Variants in IL18RAP observed in about 807,000 individuals in gnomAD.
IL18RAP encodes the protein interleukin-18 receptor accessory protein.
In IL18RAP, 37 loss-of-function variants were observed where a neutral mutation model predicts 58.1. That is an observed-to-expected ratio of 0.64 (90% CI 0.49 to 0.84). IL18RAP has a LOEUF of 0.84. Ranked by LOEUF, IL18RAP falls within the 40% of genes least tolerant of loss-of-function variation. IL18RAP has a pLI of 0.00. For missense variants in IL18RAP, 667 were observed against 704.8 expected (o/e 0.95, Z 0.61); for synonymous variants, 268 against 257.5 (o/e 1.04, Z -0.39).
chr2:102,424,081 T>C lies in IL18RAP; in HGVS notation c.341T>C (p.Leu114Ser), dbSNP rs765304854. The change falls in exon 2 of 10, where the codon TTG (leucine) becomes TCG (serine). Residue 114 changes from leucine (L) to serine (S), a missense_variant. Physicochemically the swap from Leu to Ser is moderately radical, Grantham distance 145. Coordinates refer to ENST00000687160, the MANE Select transcript of IL18RAP (RefSeq NM_001393487.1). ...CAGGACAAATGTACCCTTCACTTTT[T>C]GACCCCAGGGGTGAATAATTCTGGG... ...IIQDKCTLHF[L>S]TPGVNNSGSY... 5.6e-6 allele frequency: 9 copies of C among 1,614,002 alleles called. No individual in the cohort carries two copies. In the South Asian group the frequency reaches 8.8e-5, roughly 16 times the overall value.
intron 3 of IL18RAP, among the ~76,000 whole-genome samples, chr2:102,426,814 C>T (rs1159201952): frequency 6.7e-6 from 1 of 149,294 alleles, no homozygotes; most frequent in East Asian, 2.0e-4. Context: ...ATATTATTGG[C>T]TATAGTTATC....
chr2:102,430,028 T>C (rs1285672576), intron 3 of IL18RAP, among the ~76,000 whole-genome samples: 7 of 152,032 alleles, frequency 4.6e-5, no homozygotes, highest in Non-Finnish European at 1.0e-4. Context: ...GAGAAGGATG[T>C]GTATTCTGCT....
upstream of IL18RAP, among the ~76,000 whole-genome samples, chr2:102,419,155 C>T (rs1052378893): frequency 2.6e-5 from 4 of 151,970 alleles, no homozygotes; most frequent in Non-Finnish European, 5.9e-5. Flanking sequence ...AAAATAAACC[C>T]GTTTAAAGTG....
intron 8 of IL18RAP, among the ~76,000 whole-genome samples, chr2:102,448,200 A>G (rs1353463570): frequency 6.6e-6 from 1 of 152,192 alleles, no homozygotes; most frequent in Non-Finnish European, 1.5e-5. Flanking sequence ...TCATGTGCCT[A>G]CAATTGAACT....
intron 3 of IL18RAP, among the ~76,000 whole-genome samples, chr2:102,426,888 C>G (rs1681983415): frequency 2.0e-5 from 3 of 152,078 alleles, no homozygotes; most frequent in Non-Finnish European, 2.9e-5. Context: ...TACTCTTTGA[C>G]CAGTATCTCC....
intron 3 of IL18RAP, 27 bp from the exon 4 acceptor site, chr2:102,437,185 A>T: frequency 6.3e-7 from 1 of 1,580,808 alleles, no homozygotes; most frequent in Non-Finnish European, 8.6e-7. Context: ...TGGCAAATTT[A>T]TCTGCTTAAA....
chr2:102,446,985 G>A (rs1683460501), intron 7 of IL18RAP, 85 bp from the exon 8 acceptor site: 1 of 1,379,436 alleles, frequency 7.2e-7, no homozygotes, highest in Admixed American at 2.1e-5. Context: ...AAAAGGTGCT[G>A]GGTGGGCCAT....
chr2:102,425,532 A>C (rs1681885548), intron 3 of IL18RAP, among the ~76,000 whole-genome samples: 1 of 152,164 alleles, frequency 6.6e-6, no homozygotes, highest in Admixed American at 6.5e-5. Context: ...ATAAAACCCT[A>C]ATTTCAGAAA....
chr2:102,440,807 C>G (rs1683059059), intron 4 of IL18RAP, among the ~76,000 whole-genome samples: 1 of 152,126 alleles, frequency 6.6e-6, no homozygotes, highest in Non-Finnish European at 1.5e-5. Context: ...GCATATTTGA[C>G]AGTGGAGGCA....
intron 8 of IL18RAP, among the ~76,000 whole-genome samples, chr2:102,447,913 T>C (rs892089145): frequency 1.3e-5 from 2 of 152,168 alleles, no homozygotes; most frequent in South Asian, 4.2e-4. Flanking sequence ...GTGTTTTTAG[T>C]AGAGACTGCT....
chr2:102,432,380 T>C (rs1174733468), intron 3 of IL18RAP: 1 of 154,224 alleles, frequency 6.5e-6, no homozygotes, highest in Admixed American at 6.5e-5. Flanking sequence ...GCAATACCCT[T>C]GTGTCTTCCA....
Position 102,423,302 on chromosome 2 carries a change from C to G in IL18RAP, c.25C>G (p.Leu9Val). MLCLGWIFLWLVAGERIKG... is the reference protein window; with the variant it reads MLCLGWIFVWLVAGERIKG... ...AATGCTCTGTTTGGGCTGGATATTT[C>G]TTTGGCTTGTTGCAGGAGAGCGAAT... Residue 9 changes from leucine (L) to valine (V), a missense_variant, in exon 1 of 10, where the codon CTT (leucine) becomes GTT (valine). Transcript: ENST00000687160. 1 of 1,614,088 alleles carries G rather than the reference C, an allele frequency of 6.2e-7. No individual in the cohort carries two copies. The highest frequency in any genetic ancestry group is 8.5e-7 in the Non-Finnish European group (1 of 1,179,974).
Position 102,423,890 on chromosome 2 carries a change from G to A in IL18RAP, c.150G>A (p.Glu50=). The change falls in exon 2 of 10, where the codon GAG becomes GAA. Residue 50 remains glutamate (E), a synonymous_variant. Coordinates refer to ENST00000687160, the MANE Select transcript of IL18RAP (RefSeq NM_001393487.1). ...EEFVLFCDLP[E]PQKSHFCHRN... ...TTGTCTTATTTTGTGATTTACCAGAGCCACAGAAATCACATTTCTGCCACA... is the reference window on the plus strand; with the variant it reads ...TTGTCTTATTTTGTGATTTACCAGAACCACAGAAATCACATTTCTGCCACA... 6.2e-7 allele frequency: 1 copy of A among 1,613,886 alleles called. No individual in the cohort carries two copies. Among genetic ancestry groups the A allele is most frequent in the Non-Finnish European group, 8.5e-7 (1 of 1,179,910 alleles).
chr2:102,424,127 G>C lies in IL18RAP; in HGVS notation c.387G>C (p.Lys129Asn). ...CTGGGTCATATATTTGTAGACCCAA[G>C]ATGATTAAGTATGATCCAAATACAT... ...NNSGSYICRP[K>N]MIKSPYDVAC... The change falls in exon 2 of 10, where the codon AAG becomes AAC. Residue 129 changes from lysine (K) to asparagine (N), a missense_variant. By Grantham distance (94) the Lys-to-Asn change is moderately conservative (BLOSUM62 0). Coordinates refer to ENST00000687160, the MANE Select transcript of IL18RAP (RefSeq NM_001393487.1). 6.2e-7 allele frequency: 1 copy of C among 1,611,296 alleles called. No homozygotes were observed. Among genetic ancestry groups the C allele is most frequent in the South Asian group, 1.1e-5 (1 of 91,014 alleles).
upstream of IL18RAP, among the ~76,000 whole-genome samples, chr2:102,422,980 A>G (rs1681669958): frequency 6.6e-6 from 1 of 152,176 alleles, no homozygotes; most frequent in Non-Finnish European, 1.5e-5. Flanking sequence ...CATAGAGCCT[A>G]GGGATATTGG....
intron 3 of IL18RAP, among the ~76,000 whole-genome samples, chr2:102,436,568 C>T (rs1305357089): frequency 6.6e-6 from 1 of 151,926 alleles, no homozygotes; most frequent in Non-Finnish European, 1.5e-5. Flanking sequence ...CCAGCTTCTA[C>T]TAGTAGGCAG....
chr2:102,421,874 G>A (rs190299385), upstream of IL18RAP, among the ~76,000 whole-genome samples: 3 of 152,196 alleles, frequency 2.0e-5, no homozygotes, highest in Admixed American at 6.5e-5. Context: ...ATCTCCCCAT[G>A]GTATCAGGGA....
At chr2:102,447,816 C>T (rs1017709595) in intron 8 of IL18RAP, among the ~76,000 whole-genome samples, 3 of 151,974 alleles carry the variant, frequency 2.0e-5, no homozygotes, top group Non-Finnish European at 4.4e-5. Flanking sequence ...CTTCAATCTC[C>T]GCCTCCCAGG....
At chr2:102,437,508 T>C in intron 4 of IL18RAP, 146 bp downstream of exon 4, 1 of 700,162 alleles carries the variant, frequency 1.4e-6, no homozygotes, top group Non-Finnish European at 2.1e-6. Flanking sequence ...TGGGCAAACA[T>C]CAAAGTTGCC....
Sources: allele counts gnomAD v4.1 joint callset (sites outside exome capture counted in the v4.1 genomes callset), GRCh38; gene constraint gnomAD v4.1.1; transcripts MANE v1.5; gene names NCBI Gene and HGNC (gene_info 2026-07-23, HGNC 2026-07-21).